CDK8: variants seen among roughly 807,000 people sequenced by gnomAD.
The protein encoded by CDK8 is cyclin dependent kinase 8.
Under a neutral mutation model 71.5 loss-of-function variants are expected in CDK8, and 29 were observed. The observed-to-expected ratio is 0.41, with a 90% CI of 0.30 to 0.55. The LOEUF (loss-of-function observed/expected upper bound fraction) is 0.55. Among genes scored for constraint, CDK8 ranks in the 20% least tolerant of loss-of-function variants. The pLI is 0.37. For missense variants in CDK8, 288 were observed against 572.6 expected (o/e 0.50, Z 5.07); for synonymous variants, 161 against 192.1 (o/e 0.84, Z 1.34).
rs150421686 is a variant in CDK8, at chr13:26,263,433, C to G, written c.128+8664C>G. On this transcript the variant is annotated intron_variant, in intron 1 of 12. Transcript: ENST00000381527. ...ACAGGCGTGAGCCACCGCGCCCGGC[C>G]GGGAGTAGGTATTACCTTTTTTTTT... Among the ~76,000 whole-genome samples, 1,028 of 136,290 alleles carry G rather than the reference C, an allele frequency of 7.5e-3. 7 individuals carry two copies. Among genetic ancestry groups the G allele is most frequent in the Middle Eastern group, 0.04 (7 of 176 alleles). 89.4% of individuals were successfully genotyped at this position (136,290 alleles called of 152,430 possible). A position where few individuals can be genotyped will look rare whatever the true frequency, so the allele number is the denominator to read the frequency against.
intron 1 of CDK8, among the ~76,000 whole-genome samples, chr13:26,285,220 G>T (rs7322454): frequency 0.11 from 16,386 of 151,906 alleles, 2,595 homozygotes; most frequent in African/African-American, 0.35. Flanking sequence ...CAACAAGAGC[G>T]AAACTCCGTC....
At chr13:26,320,077 G>T (rs1305999628) in intron 1 of CDK8, among the ~76,000 whole-genome samples, 1 of 152,028 alleles carries the variant, frequency 6.6e-6, no homozygotes, top group Non-Finnish European at 1.5e-5. Flanking sequence ...CCTTAAAATG[G>T]ATTAAAGATG....
At chr13:26,315,300 C>T (rs115935002) in intron 1 of CDK8, among the ~76,000 whole-genome samples, 2 of 152,116 alleles carry the variant, frequency 1.3e-5, no homozygotes, top group Non-Finnish European at 2.9e-5. Flanking sequence ...GGTCTGTCAT[C>T]CTTTGTGTTG....
At chr13:26,396,222 T>C (rs995420545) in intron 7 of CDK8, 63 bp from the exon 8 acceptor site, 7 of 696,164 alleles carry the variant, frequency 1.0e-5, no homozygotes, top group Non-Finnish European at 1.7e-5. Flanking sequence ...GGTAATAACC[T>C]TTTTAAAAAT....
intron 4 of CDK8, among the ~76,000 whole-genome samples, chr13:26,372,561 A>G (rs1874740206): frequency 1.3e-5 from 2 of 152,222 alleles, no homozygotes; most frequent in African/African-American, 2.4e-5. Flanking sequence ...AAAGTTGTAC[A>G]TTGAAATGTA....
At chr13:26,282,973 T>G (rs1872824958) in intron 1 of CDK8, among the ~76,000 whole-genome samples, 1 of 152,160 alleles carries the variant, frequency 6.6e-6, no homozygotes, top group Admixed American at 6.5e-5. Context: ...AGAAGGACAT[T>G]ATATAATAAT....
At chr13:26,373,478 CTT>C (rs1253216935) in intron 4 of CDK8, among the ~76,000 whole-genome samples, 1 of 152,070 alleles carries the variant, frequency 6.6e-6, no homozygotes, top group Non-Finnish European at 1.5e-5. Flanking sequence ...ATATAACAAT[CTT>C]TTAACAAATT....
rs1171635122 is a variant in CDK8 at position 26,385,251 on chromosome 13, G to A, written c.555G>A (p.Lys185=). The change falls in exon 6 of 13, where the codon AAG becomes AAA. Residue 185 remains lysine (K), a synonymous_variant. Coordinates refer to ENST00000381527, the MANE Select transcript of CDK8 (RefSeq NM_001260.3). ...CCCGATTATTTAATTCACCTTTGAA[G>A]CCTTTAGCAGATTTGGATCCAGTGG... ...GFARLFNSPL[K]PLADLDPVVV... is the part of the protein sequence containing the mutation. 1.2e-6 allele frequency: 2 copies of A among 1,612,918 alleles called. No homozygotes were observed. Among genetic ancestry groups the A allele is most frequent in the Admixed American group, 1.7e-5 (1 of 59,970 alleles).
chr13:26,390,276 T>G (rs1457428516), intron 6 of CDK8, among the ~76,000 whole-genome samples: 1 of 152,164 alleles, frequency 6.6e-6, no homozygotes, highest in Non-Finnish European at 1.5e-5. Flanking sequence ...TTCCATTTAA[T>G]GAAGGGGTTA....
intron 1 of CDK8, among the ~76,000 whole-genome samples, chr13:26,284,830 A>G (rs1872924835): frequency 6.6e-6 from 1 of 152,044 alleles, no homozygotes; most frequent in Non-Finnish European, 1.5e-5. Context: ...AACAAAAACA[A>G]AAAGAAGGAA....
chr13:26,386,294 C>T (rs185167252), intron 6 of CDK8, among the ~76,000 whole-genome samples: 1 of 152,352 alleles, frequency 6.6e-6, no homozygotes, highest in Admixed American at 6.5e-5. Flanking sequence ...TTCACCATCG[C>T]TTGTCCATTA....
intron 4 of CDK8, among the ~76,000 whole-genome samples, chr13:26,373,963 C>G (rs988614217): frequency 7.2e-6 from 1 of 138,302 alleles, no homozygotes. Flanking sequence ...GAGTGAATCA[C>G]GAGGTCAGGA....
rs563310796 is a variant in CDK8, at chr13:26,339,502, T to C, written c.204+1860T>C. ...TCTAGCAAGACTTGAAGCCAGGTGG[T>C]GTAACGCCACCAGCTTTATTCTTTG... On this transcript the variant is annotated intron_variant, in intron 2 of 12. Coordinates refer to ENST00000381527, the MANE Select transcript of CDK8 (RefSeq NM_001260.3). Among the ~76,000 whole-genome samples, 218 of 151,880 alleles carry C rather than the reference T, an allele frequency of 1.4e-3. 3 individuals carry two copies. Among genetic ancestry groups the C allele is most frequent in the East Asian group, 4.4e-3 (23 of 5,182 alleles).
At chr13:26,382,081 T>C (rs1312439838) in intron 4 of CDK8, among the ~76,000 whole-genome samples, 1 of 152,024 alleles carries the variant, frequency 6.6e-6, no homozygotes, top group Non-Finnish European at 1.5e-5. Context: ...TCTCCCCTCA[T>C]CCCCTCCTTA....
At chr13:26,380,311 C>T (rs113753577) in intron 4 of CDK8, among the ~76,000 whole-genome samples, 8,851 of 152,070 alleles carry the variant, frequency 0.058, 864 homozygotes, top group African/African-American at 0.2. Context: ...TCCTGAGTAG[C>T]TGGGATTACA....
rs2138075163 is a variant in CDK8 at position 26,401,373 on chromosome 13, C to A, written c.1110+26C>A. 6.2e-7 allele frequency: 1 copy of A among 1,610,630 alleles called. No individual in the cohort carries two copies. Among genetic ancestry groups the A allele is most frequent in the East Asian group, 2.2e-5 (1 of 44,872 alleles). ...GTAAGTATTAAAGTACTGTTAGCAG[C>A]TTCTTGTTTCGTGAATGCCTCCATA... is the stretch of plus-strand genomic sequence containing the variant. On this transcript the variant is annotated intron_variant, in intron 11 of 12. Transcript: ENST00000381527. This position sits in a 1 kb window ranked among gnomAD's most constrained non-coding sequence, Gnocchi z 4.5.
At chr13:26,384,993 A>G (rs1024353039) in intron 5 of CDK8, among the ~76,000 whole-genome samples, 5 of 152,222 alleles carry the variant, frequency 3.3e-5, no homozygotes, top group African/African-American at 1.2e-4. Flanking sequence ...GCAGAGCTTG[A>G]CTATAACCCC....
At chr13:26,274,478 C>T (rs1303044121) in intron 1 of CDK8, among the ~76,000 whole-genome samples, 1 of 151,102 alleles carries the variant, frequency 6.6e-6, no homozygotes, top group East Asian at 1.9e-4. Context: ...GTTGCCCAGG[C>T]TGGAGTGCAG....
At chr13:26,280,996 T>C (rs889915463) in intron 1 of CDK8, among the ~76,000 whole-genome samples, 4 of 152,244 alleles carry the variant, frequency 2.6e-5, no homozygotes, top group African/African-American at 9.6e-5. Flanking sequence ...AAATCTCTGG[T>C]GCTCTCTCAA....
Sources: allele counts gnomAD v4.1 joint callset (sites outside exome capture counted in the v4.1 genomes callset), GRCh38; gene constraint gnomAD v4.1.1; non-coding constraint Gnocchi (gnomAD v3.1); transcripts MANE v1.5; gene names NCBI Gene and HGNC (gene_info 2026-07-23, HGNC 2026-07-21).